The following FN1 variants were observed in gnomAD, a reference collection of about 807,000 sequenced individuals.
FN1 encodes fibronectin 1, also known as fibronectin.
A neutral mutation model predicts 297.3 loss-of-function variants in FN1; 106 were observed. That is an observed-to-expected ratio of 0.36 (90% CI 0.30 to 0.42). The LOEUF (loss-of-function observed/expected upper bound fraction) is 0.42, where lower values mean the gene tolerates loss of function less well. FN1 is among the 10% of genes least tolerant of loss of function. The pLI is 1.00. For synonymous variants in FN1, 1,149 were observed against 1,152.6 expected, an observed-to-expected ratio of 1.00 and a Z score of 0.06; for missense variants, 2,690 against 3,124.9, an observed-to-expected ratio of 0.86 and a Z score of 3.32.
At chr2:215,382,898 C>T (rs2058405833) in intron 31 of FN1, among the ~76,000 whole-genome samples, 1 of 150,496 alleles carries the variant, frequency 6.6e-6, no homozygotes, top group African/African-American at 2.4e-5. Flanking sequence ...TGACATAGGA[C>T]AAAAAAATAC....
Position 215,414,958 on chromosome 2 carries a change from C to T in FN1, c.1820G>A (p.Ser607Asn), listed in dbSNP as rs770072264. ...AAATACTTCGACAGGACCACTTGAG[C>T]CTGAAAATGAAAATGTAGCATTTAA... Reference protein sequence around the residue: ...WHCQPLQTYPSSSGPVEVFIT... With the variant: ...WHCQPLQTYPNSSGPVEVFIT... The change falls in exon 13 of 46, where the codon AGC (serine) becomes AAC (asparagine). Residue 607 changes from serine (S) to asparagine (N), a missense_variant and splice_region_variant. Physicochemically the swap from Ser to Asn is conservative, Grantham distance 46. Transcript: ENST00000354785. 6 of 1,612,618 alleles carry T rather than the reference C, an allele frequency of 3.7e-6. No homozygotes were observed. The East Asian group carries it at 6.7e-5, about 18-fold the overall frequency.
chr2:215,379,057 A>C, intron 34 of FN1, 73 bp downstream of exon 34: 1 of 1,274,248 alleles, frequency 7.8e-7, no homozygotes, highest in Middle Eastern at 1.9e-4. Context: ...ATGATATTAT[A>C]TTTTCACCAC....
chr2:215,404,519 C>G lies in FN1; in HGVS notation c.3123G>C (p.Gln1041His). The change falls in exon 20 of 46, where the codon CAG (glutamine) becomes CAC (histidine). Residue 1041 changes from glutamine (Q) to histidine (H), a missense_variant. By Grantham distance (24) the Gln-to-His change is conservative. Coordinates refer to ENST00000354785, the MANE Select transcript of FN1 (RefSeq NM_212482.4). ...TGGAGACAGAGGGACCCACATTGTA[C>G]TGCCTGGGCTGTCCTCTTCGGGTAA... Reference protein sequence around the residue: ...VGLTRRGQPRQYNVGPSVSKY... With the variant: ...VGLTRRGQPRHYNVGPSVSKY... 6.2e-7 allele frequency: 1 copy of G among 1,614,114 alleles called. No individual in the cohort carries two copies. Among genetic ancestry groups the G allele is most frequent in the Non-Finnish European group, 8.5e-7 (1 of 1,179,996 alleles).
chr2:215,415,544 T>A (rs2063318016), intron 12 of FN1, among the ~76,000 whole-genome samples: 1 of 152,190 alleles, frequency 6.6e-6, no homozygotes, highest in Non-Finnish European at 1.5e-5. Context: ...TCTATCAGTT[T>A]GGAAAAAACA....
chr2:215,393,177 A>T lies in FN1; in HGVS notation c.3823T>A (p.Phe1275Ile). Reference protein sequence around the residue: ...PEVPQLTDLSFVDITDSSIGL... With the variant: ...PEVPQLTDLSIVDITDSSIGL... ...ATGCTTGAATCGGTTATATCAACAAAGCTTAGGTCAGTGAGTTGGGGCACC... is the reference window on the plus strand; with the variant it reads ...ATGCTTGAATCGGTTATATCAACAATGCTTAGGTCAGTGAGTTGGGGCACC... The change falls in exon 25 of 46, where the codon TTT becomes ATT. Residue 1275 changes from phenylalanine (F) to isoleucine (I), a missense_variant. Phe to Ile is a conservative substitution (Grantham distance 21, BLOSUM62 0). Transcript: ENST00000354785. The T allele has an allele frequency of 1.2e-6, 2 of 1,614,000 alleles. No homozygotes were observed. The highest frequency in any genetic ancestry group is 2.2e-5 in the South Asian group (2 of 91,076).
At chr2:215,365,060 A>C (rs2054259732) in intron 43 of FN1, 75 bp from the exon 44 acceptor site, 1 of 932,572 alleles carries the variant, frequency 1.1e-6, no homozygotes, top group African/African-American at 1.6e-5. Flanking sequence ...GGTGGGTTCT[A>C]TTTCTGTCCT....
chr2:215,389,219 T>C (rs2059408306), intron 26 of FN1, among the ~76,000 whole-genome samples: 1 of 152,110 alleles, frequency 6.6e-6, no homozygotes, highest in Admixed American at 6.6e-5. Flanking sequence ...TTCTCCTGCC[T>C]CAGACTCCTG....
chr2:215,372,271 C>T lies in FN1; in HGVS notation c.6352G>A (p.Gly2118Arg). The change falls in exon 40 of 46, where the codon GGG (glycine) becomes AGG (arginine). Residue 2118 changes from glycine to arginine, a missense_variant. Gly to Arg is a moderately radical substitution (Grantham distance 125). Around this residue, in one of 3 missense-constraint regions of FN1, gnomAD observed 1,743 missense variants for 1,945.2 expected, o/e 0.90. Coordinates refer to ENST00000354785, the MANE Select transcript of FN1 (RefSeq NM_212482.4). ...VQKTPFVTHPGYDTGNGIQLP... is the reference protein window; with the variant it reads ...VQKTPFVTHPRYDTGNGIQLP... ...TGAATACCATTTCCAGTGTCATACC[C>T]AGGGTGGGTGACGAAAGGGGTCTTT... 1.2e-6 allele frequency: 2 copies of T among 1,614,186 alleles called. No individual in the cohort carries two copies. Among genetic ancestry groups the T allele is most frequent in the Non-Finnish European group, 1.7e-6 (2 of 1,180,028 alleles).
chr2:215,407,454 A>G, intron 17 of FN1, 133 bp from the exon 18 acceptor site: 1 of 769,292 alleles, frequency 1.3e-6, no homozygotes, highest in Admixed American at 2.0e-5. Context: ...ATACTTTTTG[A>G]CTCTTTGAAT....
intron 29 of FN1, 141 bp from the exon 30 acceptor site, chr2:215,384,325 A>G: frequency 1.3e-6 from 1 of 782,880 alleles, no homozygotes; most frequent in Non-Finnish European, 2.2e-6. Context: ...TATCTTGAAC[A>G]GAAAGGGGTA....
chr2:215,384,553 A>G, intron 29 of FN1: 1 of 387,680 alleles, frequency 2.6e-6, no homozygotes, highest in Non-Finnish European at 4.7e-6. Flanking sequence ...AAATACAGAA[A>G]AGTAAAGAGA....
chr2:215,368,117 CTT>C (rs913838028), intron 41 of FN1, 90 bp from the exon 42 acceptor site: 2 of 1,336,448 alleles, frequency 1.5e-6, no homozygotes, highest in Non-Finnish European at 2.1e-6. Flanking sequence ...TATACAATGA[CTT>C]AATCTAAAAC....
intron 28 of FN1, among the ~76,000 whole-genome samples, chr2:215,386,114 G>A (rs1451359158): frequency 8.6e-6 from 1 of 116,274 alleles, no homozygotes; most frequent in African/African-American, 3.4e-5. Flanking sequence ...GTCTTGCTCT[G>A]TCACCCAGGT....
At chr2:215,367,032 T>C (rs1015741435) in intron 42 of FN1, among the ~76,000 whole-genome samples, 1 of 152,244 alleles carries the variant, frequency 6.6e-6, no homozygotes, top group African/African-American at 2.4e-5. Flanking sequence ...TAAAATACTT[T>C]GAAAATCTCT....
At chr2:215,420,116 C>T (rs1330357449) in intron 11 of FN1, among the ~76,000 whole-genome samples, 1 of 152,096 alleles carries the variant, frequency 6.6e-6, no homozygotes, top group East Asian at 1.9e-4. Context: ...TGCTGTTACA[C>T]AGCTGGTAAG....
chr2:215,419,561 T>TA lies in FN1; in HGVS notation c.1676-177dup, dbSNP rs78640793. 1.2e-3 allele frequency among the ~76,000 whole-genome samples: 178 copies of TA among 149,906 alleles called. 1 individual carries two copies. Among genetic ancestry groups the TA allele is most frequent in the Middle Eastern group, 6.8e-3 (2 of 292 alleles). ...CTTTACCTTACAGGACAGTTTGTAG[T>TA]AAAAAAAAAACCAAAGTACCTATTA... is the stretch of plus-strand genomic sequence containing the variant. On this transcript the variant is annotated intron_variant, in intron 11 of 45. Transcript: ENST00000354785.
intron 10 of FN1, among the ~76,000 whole-genome samples, 189 bp downstream of exon 10, chr2:215,421,902 G>A (rs2064457738): frequency 6.6e-6 from 1 of 152,112 alleles, no homozygotes; most frequent in African/African-American, 2.4e-5. Context: ...GCATTGCTAT[G>A]CCGCTTGTCT....
chr2:215,366,981 A>G (rs539491377), intron 42 of FN1, among the ~76,000 whole-genome samples: 1 of 152,352 alleles, frequency 6.6e-6, no homozygotes, highest in African/African-American at 2.4e-5. Flanking sequence ...GGCTTTTACA[A>G]CTTCAGTCTG....
In FN1 at chr2:215,393,226, GA is replaced by G. The variant is rs113798880; in HGVS notation, c.3797-24del. 0.044 allele frequency: 70,108 copies of G among 1,609,176 alleles called. 2,798 individuals are homozygous for G. The highest frequency in any genetic ancestry group is 0.21 in the African/African-American group (15,806 of 74,598). On this transcript the variant is annotated intron_variant, in intron 24 of 45. Coordinates refer to ENST00000354785, the MANE Select transcript of FN1 (RefSeq NM_212482.4). ...CCTCTATTGAGTTACAAAGCAAAGGGAGGGGGAGGCAAAAGGAAAATAGAGG... is the reference window on the plus strand; with the variant it reads ...CCTCTATTGAGTTACAAAGCAAAGGGGGGGGAGGCAAAAGGAAAATAGAGG...
Sources: allele counts gnomAD v4.1 joint callset (sites outside exome capture counted in the v4.1 genomes callset), GRCh38; gene constraint gnomAD v4.1.1; regional missense constraint gnomAD v4.1.1; transcripts MANE v1.5; gene names NCBI Gene and HGNC (gene_info 2026-07-23, HGNC 2026-07-21).